Variants in TBC1D5 observed in about 807,000 individuals in gnomAD.
TBC1D5 encodes TBC1 domain family, member 5.
In TBC1D5, 75 loss-of-function variants were observed where a neutral mutation model predicts 100.3. The observed-to-expected ratio is 0.75, with a 90% CI of 0.62 to 0.91. The LOEUF is 0.91. TBC1D5 is among the 40% of genes least tolerant of loss of function. The pLI, the probability that TBC1D5 is intolerant of heterozygous loss-of-function variation, is 0.00. For missense variants in TBC1D5, 910 were observed against 942.4 expected, an observed-to-expected ratio of 0.97 and a Z score of 0.45; for synonymous variants, 323 against 325.6, an observed-to-expected ratio of 0.99 and a Z score of 0.09.
At chr3:17,578,229 G>A (rs1310890113) in intron 2 of TBC1D5, among the ~76,000 whole-genome samples, 1 of 151,946 alleles carries the variant, frequency 6.6e-6, no homozygotes, top group African/African-American at 2.4e-5. Context: ...AGACAAACCT[G>A]GCTAAGATCA....
At chr3:17,282,191 T>C (rs2080682101) in intron 15 of TBC1D5, among the ~76,000 whole-genome samples, 1 of 152,188 alleles carries the variant, frequency 6.6e-6, no homozygotes, top group African/African-American at 2.4e-5. Context: ...ATGATTTCCC[T>C]GGGGGTAAAA....
At chr3:17,498,345 T>G (rs553479248) in intron 3 of TBC1D5, among the ~76,000 whole-genome samples, 28 of 152,244 alleles carry the variant, frequency 1.8e-4, no homozygotes, top group Admixed American at 1.8e-3. Flanking sequence ...AAGTATACAG[T>G]AATGGTGAAC....
chr3:17,378,501 A>C (rs1006656396), intron 9 of TBC1D5, among the ~76,000 whole-genome samples: 5 of 151,920 alleles, frequency 3.3e-5, no homozygotes, highest in African/African-American at 9.6e-5. Flanking sequence ...TTTACTTAAT[A>C]AATTGCCCTT....
At chr3:17,244,719 A>C (rs2076580675) in intron 16 of TBC1D5, among the ~76,000 whole-genome samples, 1 of 151,818 alleles carries the variant, frequency 6.6e-6, no homozygotes, top group African/African-American at 2.4e-5. Context: ...TATACTCCTA[A>C]CTCTGTCATT....
At chr3:17,542,235 G>T (rs962991057) in intron 2 of TBC1D5, among the ~76,000 whole-genome samples, 2 of 152,132 alleles carry the variant, frequency 1.3e-5, no homozygotes, top group East Asian at 1.9e-4. Context: ...AGGTTGCAGT[G>T]AGCTGAGATT....
chr3:17,277,864 C>T (rs1377377091), intron 15 of TBC1D5, among the ~76,000 whole-genome samples: 1 of 152,214 alleles, frequency 6.6e-6, no homozygotes, highest in African/African-American at 2.4e-5. Context: ...GGGTATCTCA[C>T]TGCACCCTCA....
At chr3:17,223,504 A>G (rs754199782) in intron 17 of TBC1D5, among the ~76,000 whole-genome samples, 2 of 152,188 alleles carry the variant, frequency 1.3e-5, no homozygotes, top group Non-Finnish European at 2.9e-5. Context: ...TCACTTGCTC[A>G]AGAACACAGT....
At chr3:17,426,275 C>A (rs1468464505) in intron 4 of TBC1D5, among the ~76,000 whole-genome samples, 1 of 152,074 alleles carries the variant, frequency 6.6e-6, no homozygotes, top group East Asian at 1.9e-4. Context: ...CTGCAACAAT[C>A]CCTAGATTTT....
At chr3:17,292,106 T>C in intron 14 of TBC1D5, 105 bp from the exon 15 acceptor site, 1 of 916,644 alleles carries the variant, frequency 1.1e-6, no homozygotes, top group Non-Finnish European at 1.6e-6. Flanking sequence ...AGCAAACCAA[T>C]AACTCAACTG....
chr3:17,695,120 C>T (rs1249674649), intron 1 of TBC1D5, among the ~76,000 whole-genome samples: 2 of 152,108 alleles, frequency 1.3e-5, no homozygotes, highest in Non-Finnish European at 2.9e-5. Context: ...AAGAAACAAC[C>T]GGTACAAGCC....
At chr3:17,617,969 G>C (rs1162670351) in intron 2 of TBC1D5, among the ~76,000 whole-genome samples, 1 of 152,216 alleles carries the variant, frequency 6.6e-6, no homozygotes, top group Non-Finnish European at 1.5e-5. Context: ...TGTTTTGGAG[G>C]AGAACAGGCG....
chr3:17,289,490 C>T (rs922169748), intron 15 of TBC1D5, among the ~76,000 whole-genome samples: 13 of 151,908 alleles, frequency 8.6e-5, no homozygotes, highest in Admixed American at 5.9e-4. Context: ...AAAAATTAGC[C>T]GGGTGTGATG....
At chr3:17,291,800 A>T in intron 15 of TBC1D5, 95 bp downstream of exon 15, 1 of 1,148,032 alleles carries the variant, frequency 8.7e-7, no homozygotes, top group Non-Finnish European at 1.2e-6. Context: ...ATCTACCATT[A>T]GGCAAATTCC....
chr3:17,605,275 AAC>A (rs2061266084), intron 2 of TBC1D5, among the ~76,000 whole-genome samples: 1 of 152,194 alleles, frequency 6.6e-6, no homozygotes, highest in Non-Finnish European at 1.5e-5. Flanking sequence ...ACATAGTATT[AAC>A]TACTTTTACT....
intron 1 of TBC1D5, among the ~76,000 whole-genome samples, chr3:17,726,201 T>A (rs143277355): frequency 6.6e-6 from 1 of 152,332 alleles, no homozygotes; most frequent in East Asian, 1.9e-4. Flanking sequence ...TTTTATGATA[T>A]AAAAATTTAT....
chr3:17,345,731 T>G (rs1168240189), intron 13 of TBC1D5, among the ~76,000 whole-genome samples: 1 of 152,130 alleles, frequency 6.6e-6, no homozygotes, highest in Non-Finnish European at 1.5e-5. Context: ...CATGGAATAC[T>G]ATGCAGCCAT....
intron 1 of TBC1D5, among the ~76,000 whole-genome samples, chr3:17,688,840 C>T (rs1350004980): frequency 3.9e-5 from 6 of 152,162 alleles, no homozygotes; most frequent in Non-Finnish European, 8.8e-5. Flanking sequence ...ATTTCTCAGC[C>T]TATTTTTAAA....
chr3:17,562,495 G>GT (rs2096565638), intron 2 of TBC1D5, among the ~76,000 whole-genome samples: 2 of 151,200 alleles, frequency 1.3e-5, no homozygotes, highest in East Asian at 3.9e-4. Context: ...CATAAAATGA[G>GT]TAAGACTGCA....
chr3:17,419,441 A>G (rs1326310799), intron 4 of TBC1D5, among the ~76,000 whole-genome samples: 1 of 152,138 alleles, frequency 6.6e-6, no homozygotes, highest in Non-Finnish European at 1.5e-5. Context: ...TAATAAACTC[A>G]ATATCTTTGG....
Sources: gnomAD v4.1 joint callset for allele counts (sites outside exome capture counted in the v4.1 genomes callset) on GRCh38, gnomAD v4.1.1 for gene constraint, MANE v1.5 for transcripts, NCBI Gene and HGNC (gene_info 2026-07-23, HGNC 2026-07-21) for gene names.